The following USP34 variants were observed in gnomAD, a reference collection of about 807,000 sequenced individuals.
USP34 encodes ubiquitin carboxyl-terminal hydrolase 34.
Under a neutral mutation model 460.3 loss-of-function variants are expected in USP34, and 70 were observed. The observed-to-expected ratio is 0.15, with a 90% CI of 0.13 to 0.19. The LOEUF (loss-of-function observed/expected upper bound fraction) is 0.19. USP34 is among the 10% of genes least tolerant of loss of function. USP34 has a pLI of 1.00. For synonymous variants in USP34, 1,647 were observed against 1,405.3 expected (o/e 1.17, Z -3.85); for missense variants, 3,985 against 4,236.2 (o/e 0.94, Z 1.65).
chr2:61,394,768 C>G (rs1466758393), intron 5 of USP34, 85 bp downstream of exon 5: 1 of 1,130,662 alleles, frequency 8.8e-7, no homozygotes, highest in Non-Finnish European at 1.2e-6. Context: ...TCATTCAAAA[C>G]CTTCCTTTTC....
intron 41 of USP34, among the ~76,000 whole-genome samples, chr2:61,266,641 G>C (rs1689056589): frequency 2.0e-5 from 3 of 152,086 alleles, no homozygotes; most frequent in Non-Finnish European, 4.4e-5. Flanking sequence ...GTGGGTGCTG[G>C]GTTATCTTTT....
At chr2:61,429,235 CAGG>C (rs1694595330) in intron 1 of USP34, among the ~76,000 whole-genome samples, 2 of 152,012 alleles carry the variant, frequency 1.3e-5, no homozygotes, top group South Asian at 4.1e-4. Context: ...ATCACGAGGT[CAGG>C]AGATCGAGAC....
chr2:61,425,739 T>C (rs1022194975), intron 1 of USP34, among the ~76,000 whole-genome samples: 2 of 151,768 alleles, frequency 1.3e-5, no homozygotes, highest in African/African-American at 4.8e-5. Context: ...ACCAAGACAG[T>C]AGAGGTGGTG....
chr2:61,201,645 T>A (rs1026754099), intron 75 of USP34, among the ~76,000 whole-genome samples: 2 of 152,200 alleles, frequency 1.3e-5, no homozygotes, highest in African/African-American at 4.8e-5. Context: ...TGACGGCAAG[T>A]ATTCTTTCCT....
intron 72 of USP34, among the ~76,000 whole-genome samples, chr2:61,205,025 TTTTG>T (rs1196986359): frequency 5.9e-5 from 9 of 152,182 alleles, no homozygotes; most frequent in Admixed American, 4.6e-4. Flanking sequence ...CAGCTATTTT[TTTTG>T]TTTGTTTTTG....
At position 61,333,901 on chromosome 2, in the gene USP34, C is replaced by G; in HGVS notation, c.2815G>C (p.Asp939His). The change falls in exon 19 of 80, where the codon GAT becomes CAT. Residue 939 changes from aspartate to histidine, a missense_variant. Asp to His is a moderately conservative substitution (Grantham distance 81, BLOSUM62 -1). This residue lies in a region of USP34 where 1,114 missense variants were observed against 1,122.5 expected (regional missense o/e 0.99). Transcript: ENST00000398571. The stretch of plus-strand genomic sequence containing the variant: ...ACTTACATTGTTATCCAGTGTGTAT[C>G]GTAACTGCTCCCAAACTGCTGAAAA... Reference protein sequence around the residue: ...GTFQQFGSSYDTHWITMWAEK... With the variant: ...GTFQQFGSSYHTHWITMWAEK... 1 of 1,585,752 alleles carries G rather than the reference C, an allele frequency of 6.3e-7. No homozygotes were observed. The highest frequency in any genetic ancestry group is 8.6e-7 in the Non-Finnish European group (1 of 1,166,014).
chr2:61,223,006 G>A lies in USP34; in HGVS notation c.7749+54C>T. On this transcript the variant is annotated intron_variant, in intron 64 of 79. Coordinates refer to ENST00000398571, the MANE Select transcript of USP34 (RefSeq NM_014709.4). ...GCCACCGCACTCGGCCAGATTTCAG[G>A]GTATTCTTTTTTAAAATTTCCAAAA... 5 of 1,473,884 alleles carry A rather than the reference G, an allele frequency of 3.4e-6. No homozygotes were observed. The South Asian group carries it at 4.9e-5, about 15-fold the overall frequency. The allele number at this position is 1,473,884 out of a possible 1,614,324, so 91.3% of individuals were successfully genotyped here. A position where few individuals can be genotyped will look rare whatever the true frequency, so the allele number is the denominator to read the frequency against.
At chr2:61,447,974 C>T (rs1291335679) in intron 1 of USP34, among the ~76,000 whole-genome samples, 1 of 152,080 alleles carries the variant, frequency 6.6e-6, no homozygotes, top group East Asian at 1.9e-4. Context: ...CCTTGGCCTC[C>T]CAAAATACTG....
At chr2:61,323,858 T>G (rs1691004274) in intron 21 of USP34, among the ~76,000 whole-genome samples, 1 of 152,242 alleles carries the variant, frequency 6.6e-6, no homozygotes, top group Non-Finnish European at 1.5e-5. Context: ...GGTCAATAAA[T>G]GACGTAATAA....
intron 5 of USP34, among the ~76,000 whole-genome samples, chr2:61,394,593 G>A (rs1054240429): frequency 6.7e-6 from 1 of 149,990 alleles, no homozygotes; most frequent in Non-Finnish European, 1.5e-5. Context: ...AAAGTTTTAT[G>A]CAGTCACCTA....
intron 6 of USP34, 42 bp downstream of exon 6, chr2:61,383,227 A>T: frequency 7.3e-7 from 1 of 1,377,052 alleles, no homozygotes; most frequent in Non-Finnish European, 1.0e-6. Context: ...GTTTAAATAT[A>T]TTACACTGAT....
chr2:61,282,539 A>G (rs1689565278), intron 37 of USP34, among the ~76,000 whole-genome samples: 3 of 152,190 alleles, frequency 2.0e-5, no homozygotes, highest in Non-Finnish European at 4.4e-5. Context: ...TATAATCCCA[A>G]GCAGTTTGGG....
chr2:61,348,813 C>G lies in USP34; in HGVS notation c.1617G>C (p.Met539Ile). 1 of 1,613,878 alleles carries G rather than the reference C, an allele frequency of 6.2e-7. No homozygotes were observed. The highest frequency in any genetic ancestry group is 1.1e-5 in the South Asian group (1 of 91,054). The change falls in exon 14 of 80, where the codon ATG becomes ATC. Residue 539 changes from methionine (M) to isoleucine (I), a missense_variant. Physicochemically the swap from Met to Ile is conservative, Grantham distance 10 (BLOSUM62 1). Transcript: ENST00000398571. ...TGGTTCTATTAATAAGTTGCTCATC[C>G]ATTTCAATGTCACTACCTCCACTTT... ...THQSGGSDIE[M>I]DEQLINRTKH...
intron 1 of USP34, among the ~76,000 whole-genome samples, chr2:61,448,257 T>G (rs1453059925): frequency 1.3e-5 from 2 of 152,176 alleles, no homozygotes; most frequent in African/African-American, 4.8e-5. Flanking sequence ...GAGGACTGCT[T>G]CAGGCCAGGA....
chr2:61,398,857 A>G (rs1693624564), intron 3 of USP34, among the ~76,000 whole-genome samples: 1 of 152,204 alleles, frequency 6.6e-6, no homozygotes, highest in South Asian at 2.1e-4. Context: ...AGTAAGTGTT[A>G]AACCTCCTAA....
intron 41 of USP34, among the ~76,000 whole-genome samples, chr2:61,272,211 A>T (rs1689236646): frequency 1.3e-5 from 2 of 152,100 alleles, no homozygotes; most frequent in South Asian, 4.1e-4. Flanking sequence ...GGATATCGAG[A>T]CCATCCTGGC....
chr2:61,249,179 T>C (rs1688504439), intron 48 of USP34, among the ~76,000 whole-genome samples: 2 of 152,248 alleles, frequency 1.3e-5, no homozygotes, highest in African/African-American at 4.8e-5. Context: ...TCTTTTCATA[T>C]TGAGAACTTT....
chr2:61,231,441 A>T (rs1463470112), intron 58 of USP34, among the ~76,000 whole-genome samples: 1 of 152,190 alleles, frequency 6.6e-6, no homozygotes, highest in African/African-American at 2.4e-5. Flanking sequence ...GGCCAGGCTC[A>T]GTGGCTCACA....
intron 6 of USP34, among the ~76,000 whole-genome samples, chr2:61,380,948 G>C (rs1692951116): frequency 6.6e-6 from 1 of 152,106 alleles, no homozygotes; most frequent in Non-Finnish European, 1.5e-5. Context: ...TGGGAACAAG[G>C]CTAACCTAGA....
Sources: allele counts gnomAD v4.1 joint callset (sites outside exome capture counted in the v4.1 genomes callset), GRCh38; gene constraint gnomAD v4.1.1; regional missense constraint gnomAD v4.1.1; transcripts MANE v1.5; gene names NCBI Gene and HGNC (gene_info 2026-07-23, HGNC 2026-07-21).